CRTAM: variants seen among roughly 807,000 people sequenced by gnomAD.
The protein encoded by CRTAM is cytotoxic and regulatory T cell molecule, also known as cytotoxic and regulatory T-cell molecule.
In CRTAM, 44 loss-of-function variants were observed where a neutral mutation model predicts 50.0. That is an observed-to-expected ratio of 0.88 (90% CI 0.69 to 1.13). CRTAM has a LOEUF of 1.13. CRTAM is among the 50% of genes most tolerant of loss of function. CRTAM has a pLI of 0.00. For missense variants in CRTAM, 448 were observed against 457.5 expected (o/e 0.98, Z 0.19); for synonymous variants, 159 against 169.3 (o/e 0.94, Z 0.47).
intron 1 of CRTAM, among the ~76,000 whole-genome samples, chr11:122,849,374 C>T (rs1861902424): frequency 6.6e-6 from 1 of 152,210 alleles, no homozygotes; most frequent in Non-Finnish European, 1.5e-5. Flanking sequence ...CCTTGAGCCT[C>T]TATTCCCTCG....
In CRTAM at chr11:122,871,577, C is replaced by T; in HGVS notation, c.*178C>T. 1 of 453,578 alleles carries T rather than the reference C, an allele frequency of 2.2e-6. No individual in the cohort carries two copies. Among genetic ancestry groups the T allele is most frequent in the Non-Finnish European group, 3.9e-6 (1 of 257,738 alleles). 28.1% of individuals were successfully genotyped at this position (453,578 alleles called of 1,614,324 possible). A position where few individuals can be genotyped will look rare whatever the true frequency, so the allele number is the denominator to read the frequency against. On this transcript the variant is annotated 3_prime_UTR_variant, in exon 10 of 10. Coordinates refer to ENST00000227348, the MANE Select transcript of CRTAM (RefSeq NM_019604.4). ...TAGGGCAGCAACATGAGGACCAAACCATGCACATAAAGCTTGTAGTTTAAA... is the reference window on the plus strand; with the variant it reads ...TAGGGCAGCAACATGAGGACCAAACTATGCACATAAAGCTTGTAGTTTAAA...
chr11:122,855,402 A>G (rs565744586), intron 4 of CRTAM, among the ~76,000 whole-genome samples: 35 of 152,342 alleles, frequency 2.3e-4, no homozygotes, highest in African/African-American at 8.2e-4. Context: ...CGCCTTATTC[A>G]TATAACCAGA....
chr11:122,867,936 G>A, intron 8 of CRTAM, 77 bp from the exon 9 acceptor site: 1 of 848,134 alleles, frequency 1.2e-6, no homozygotes, highest in Non-Finnish European at 2.0e-6. Flanking sequence ...AGTAACAGAG[G>A]TATTATCTTA....
intron 5 of CRTAM, among the ~76,000 whole-genome samples, chr11:122,860,002 C>G (rs747948791): frequency 2.0e-4 from 31 of 152,172 alleles, no homozygotes; most frequent in Admixed American, 2.0e-4. Context: ...GTGGTGGATA[C>G]AAGTTGTCCG....
At chr11:122,864,836 G>A in intron 7 of CRTAM, 117 bp downstream of exon 7, 1 of 717,984 alleles carries the variant, frequency 1.4e-6, no homozygotes, top group Non-Finnish European at 2.4e-6. Flanking sequence ...TTTAGGACAT[G>A]ATTGGTTAAT....
At chr11:122,860,825 C>T (rs951083915) in intron 5 of CRTAM, among the ~76,000 whole-genome samples, 2 of 152,118 alleles carry the variant, frequency 1.3e-5, no homozygotes, top group Non-Finnish European at 2.9e-5. Flanking sequence ...CTACCTTGGC[C>T]TCCTGAGTAG....
intron 5 of CRTAM, among the ~76,000 whole-genome samples, chr11:122,857,393 C>A (rs1028835831): frequency 6.6e-6 from 1 of 152,176 alleles, no homozygotes; most frequent in African/African-American, 2.4e-5. Context: ...CGCTTGAACC[C>A]GAGAGGCGGA....
At chr11:122,861,757 T>C (rs539716593) in intron 5 of CRTAM, among the ~76,000 whole-genome samples, 2 of 152,168 alleles carry the variant, frequency 1.3e-5, no homozygotes, top group Admixed American at 1.3e-4. Context: ...TCAGTGTTAG[T>C]ATTTGTAAAG....
chr11:122,853,425 G>T (rs1395127559), intron 3 of CRTAM, among the ~76,000 whole-genome samples: 1 of 152,068 alleles, frequency 6.6e-6, no homozygotes, highest in Non-Finnish European at 1.5e-5. Flanking sequence ...AATTTTCAGA[G>T]ACTAACAACA....
chr11:122,864,670 T>C lies in CRTAM; in HGVS notation c.768T>C (p.Ile256=). 1.2e-6 allele frequency: 2 copies of C among 1,613,890 alleles called. No homozygotes were observed. Among genetic ancestry groups the C allele is most frequent in the Non-Finnish European group, 1.7e-6 (2 of 1,179,834 alleles). The stretch of plus-strand genomic sequence containing the variant: ...CGGAAGATTCTAGTACATCGGAGAT[T>C]GACAAGGAAGAGAAAGAACAAACCA... ...SVTEDSSTSE[I]DKEEKEQTTQ... Residue 256 remains isoleucine, a synonymous_variant, in exon 7 of 10, where the codon ATT becomes ATC. Coordinates refer to ENST00000227348, the MANE Select transcript of CRTAM (RefSeq NM_019604.4).
chr11:122,838,788 GC>G (rs1349894526), intron 1 of CRTAM, among the ~76,000 whole-genome samples, 196 bp downstream of exon 1: 2 of 152,056 alleles, frequency 1.3e-5, no homozygotes, highest in Non-Finnish European at 2.9e-5. Flanking sequence ...TCGTTCAATG[GC>G]TAAGGAGTAT....
chr11:122,870,576 G>T (rs1393248200), intron 9 of CRTAM, among the ~76,000 whole-genome samples: 12 of 152,080 alleles, frequency 7.9e-5, no homozygotes, highest in Non-Finnish European at 1.3e-4. Flanking sequence ...ATTCTCTGGG[G>T]CCATCTCTAG....
chr11:122,867,604 G>C (rs764080083), intron 8 of CRTAM, 49 bp downstream of exon 8: 2 of 1,566,806 alleles, frequency 1.3e-6, no homozygotes, highest in Non-Finnish European at 1.7e-6. Context: ...CAGAACAAAT[G>C]GCTAAAAAAA....
At chr11:122,860,630 A>G (rs1296236967) in intron 5 of CRTAM, among the ~76,000 whole-genome samples, 2 of 152,254 alleles carry the variant, frequency 1.3e-5, no homozygotes, top group Admixed American at 6.5e-5. Context: ...CTGAATTCAC[A>G]TAGTATATAC....
At chr11:122,846,808 C>T (rs1012394721) in intron 1 of CRTAM, among the ~76,000 whole-genome samples, 3 of 152,154 alleles carry the variant, frequency 2.0e-5, no homozygotes, top group Non-Finnish European at 2.9e-5. Flanking sequence ...AGATTTACTG[C>T]GACTGGAACT....
chr11:122,868,188 ATGTGTGTGTGTGTGTG>A (rs58440037), intron 9 of CRTAM, 89 bp downstream of exon 9: 138 of 439,884 alleles, frequency 3.1e-4, no homozygotes, highest in South Asian at 1.1e-3. Context: ...ACAACAGAAT[ATGTGTGTGTGTGTGTG>A]TGTGTGTGTG....
chr11:122,845,801 A>G (rs1175665218), intron 1 of CRTAM, among the ~76,000 whole-genome samples: 2 of 152,156 alleles, frequency 1.3e-5, no homozygotes, highest in Non-Finnish European at 2.9e-5. Context: ...TTGTTTATGC[A>G]TTTTAATATG....
chr11:122,864,149 C>T (rs751988274), intron 6 of CRTAM, among the ~76,000 whole-genome samples: 1 of 152,160 alleles, frequency 6.6e-6, no homozygotes, highest in East Asian at 1.9e-4. Context: ...ATAATTAAAG[C>T]TTGGAATGCC....
At chr11:122,838,731 T>A in intron 1 of CRTAM, 139 bp downstream of exon 1, 1 of 712,362 alleles carries the variant, frequency 1.4e-6, no homozygotes, top group South Asian at 1.8e-5. Context: ...TTCCAAGCCA[T>A]GCTCAAATCA....
Sources: allele counts gnomAD v4.1 joint callset (sites outside exome capture counted in the v4.1 genomes callset), GRCh38; gene constraint gnomAD v4.1.1; transcripts MANE v1.5; gene names NCBI Gene and HGNC (gene_info 2026-07-23, HGNC 2026-07-21).